The following ENOX1 variants were observed in gnomAD, a reference collection of about 807,000 sequenced individuals.
ENOX1 encodes candidate growth-related and time keeping constitutive hydroquinone (NADH) oxidase.
Under a neutral mutation model 82.5 loss-of-function variants are expected in ENOX1, and 42 were observed. The observed-to-expected ratio is 0.51, with a 90% CI of 0.40 to 0.66. The LOEUF is 0.66. Ranked by LOEUF, ENOX1 falls within the 30% of genes least tolerant of loss-of-function variation. ENOX1 has a pLI of 0.00. For synonymous variants in ENOX1, 271 were observed against 282.2 expected (o/e 0.96, Z 0.40); for missense variants, 608 against 811.6 (o/e 0.75, Z 3.05).
intron 3 of ENOX1, among the ~76,000 whole-genome samples, chr13:43,457,385 C>A (rs1210004572): frequency 6.6e-6 from 1 of 152,074 alleles, no homozygotes; most frequent in East Asian, 1.9e-4. Context: ...TAAATGTTAT[C>A]TTTATCCAGA....
intron 2 of ENOX1, among the ~76,000 whole-genome samples, chr13:43,554,913 C>T (rs1566516429): frequency 6.6e-6 from 1 of 152,158 alleles, no homozygotes; most frequent in South Asian, 2.1e-4. Context: ...GCCCAATATT[C>T]TCTTAAACTC....
chr13:43,747,578 A>C (rs1293719218), intron 1 of ENOX1, among the ~76,000 whole-genome samples: 1 of 152,190 alleles, frequency 6.6e-6, no homozygotes, highest in African/African-American at 2.4e-5. Flanking sequence ...ATAACCAACA[A>C]ACCATGCAGA....
chr13:43,513,034 C>A (rs930975113), intron 2 of ENOX1, among the ~76,000 whole-genome samples: 2 of 151,914 alleles, frequency 1.3e-5, no homozygotes, highest in African/African-American at 4.8e-5. Flanking sequence ...TGTGGCTGGG[C>A]GCAGTGGCTC....
rs188996341 is a variant in ENOX1, at chr13:43,529,565, A to T, written c.-218-45413T>A. On this transcript the variant is annotated intron_variant, in intron 2 of 16. Coordinates refer to ENST00000690772, the MANE Select transcript of ENOX1 (RefSeq NM_001347969.2). ...CTAGTTTTGCTGTCACATCTCTTCAAACTGCAAAAGTTATGGCCTCAGTGT... is the reference window on the plus strand; with the variant it reads ...CTAGTTTTGCTGTCACATCTCTTCATACTGCAAAAGTTATGGCCTCAGTGT... 7.6e-4 allele frequency among the ~76,000 whole-genome samples: 116 copies of T among 152,248 alleles called. 1 individual carries two copies. Among genetic ancestry groups the T allele is most frequent in the Non-Finnish European group, 1.4e-3 (92 of 67,992 alleles).
intron 5 of ENOX1, among the ~76,000 whole-genome samples, chr13:43,370,350 C>A (rs569694259): frequency 6.6e-6 from 1 of 151,962 alleles, no homozygotes; most frequent in South Asian, 2.1e-4. Context: ...CTGGGCAACA[C>A]AGCGAGACTC....
At chr13:43,537,690 G>A (rs2153692036) in intron 2 of ENOX1, among the ~76,000 whole-genome samples, 2 of 152,324 alleles carry the variant, frequency 1.3e-5, no homozygotes, top group South Asian at 4.1e-4. Flanking sequence ...ATCTTGTGAT[G>A]TGAGACACAC....
At chr13:43,587,072 G>GAA (rs10713584) in intron 2 of ENOX1, among the ~76,000 whole-genome samples, 17 of 133,168 alleles carry the variant, frequency 1.3e-4, no homozygotes, top group African/African-American at 4.7e-4. Flanking sequence ...GACTATCTCA[G>GAA]AAAAAAAAAA....
rs980175159 is a variant in ENOX1, at chr13:43,666,044, T to C, written c.-219+1435A>G. Among the ~76,000 whole-genome samples the C allele has an allele frequency of 7.2e-5, 11 of 151,892 alleles. No individual in the cohort carries two copies. The East Asian group carries it at 1.9e-3, about 27-fold the overall frequency. On this transcript the variant is annotated intron_variant, in intron 2 of 16. Coordinates refer to ENST00000690772, the MANE Select transcript of ENOX1 (RefSeq NM_001347969.2). The stretch of plus-strand genomic sequence containing the variant: ...GTATAAAGTTATGTTTACACTATAC[T>C]ATACTCTATTAATTGTGCAATAGCA...
intron 9 of ENOX1, among the ~76,000 whole-genome samples, chr13:43,343,875 C>CT (rs1174094238): frequency 7.9e-5 from 12 of 152,108 alleles, no homozygotes; most frequent in East Asian, 7.7e-4. Context: ...AATATACGCC[C>CT]TTTTTTTGAA....
intron 1 of ENOX1, among the ~76,000 whole-genome samples, chr13:43,709,202 TTACC>T (rs2087522327): frequency 1.3e-5 from 2 of 152,048 alleles, no homozygotes; most frequent in Non-Finnish European, 2.9e-5. Flanking sequence ...ACATCATTAG[TTACC>T]TGAGAAATGC....
intron 1 of ENOX1, among the ~76,000 whole-genome samples, chr13:43,725,665 A>G (rs1414106491): frequency 2.6e-5 from 4 of 152,098 alleles, no homozygotes; most frequent in African/African-American, 7.2e-5. Context: ...GACCAGCTAG[A>G]AGCCACTTAG....
chr13:43,611,195 A>G lies in ENOX1; in HGVS notation c.-219+56284T>C, dbSNP rs192623579. ...TCCCATTTATACCACTGATGTTCCA[A>G]TGCAAGGTGCCCGGGGAAACTGCCA... is the stretch of plus-strand genomic sequence containing the variant. On this transcript the variant is annotated intron_variant, in intron 2 of 16. Coordinates refer to ENST00000690772, the MANE Select transcript of ENOX1 (RefSeq NM_001347969.2). Among the ~76,000 whole-genome samples, 15 of 152,288 alleles carry G rather than the reference A, an allele frequency of 9.8e-5. No homozygotes were observed. The East Asian group carries it at 2.5e-3, about 25-fold the overall frequency.
intron 16 of ENOX1, among the ~76,000 whole-genome samples, chr13:43,222,223 C>T (rs576790620): frequency 6.6e-6 from 1 of 152,274 alleles, no homozygotes; most frequent in South Asian, 2.1e-4. Flanking sequence ...CATGTGAATT[C>T]TCTCTCCTCA....
chr13:43,524,388 CCA>C (rs1345906910), intron 2 of ENOX1, among the ~76,000 whole-genome samples: 1 of 152,126 alleles, frequency 6.6e-6, no homozygotes, highest in Non-Finnish European at 1.5e-5. Flanking sequence ...ACAGATTCCA[CCA>C]CTCACCAAGG....
At chr13:43,622,308 G>T (rs1475266234) in intron 2 of ENOX1, among the ~76,000 whole-genome samples, 2 of 152,130 alleles carry the variant, frequency 1.3e-5, no homozygotes, top group African/African-American at 2.4e-5. Context: ...TTTTTGGGGG[G>T]TGTCGAAGAG....
chr13:43,409,018 T>C (rs1183995797), intron 5 of ENOX1, among the ~76,000 whole-genome samples: 2 of 127,552 alleles, frequency 1.6e-5, no homozygotes, highest in African/African-American at 6.1e-5. Flanking sequence ...TTAAAATGTT[T>C]AACAAATGCC....
At chr13:43,622,625 C>T (rs1234761069) in intron 2 of ENOX1, among the ~76,000 whole-genome samples, 2 of 152,102 alleles carry the variant, frequency 1.3e-5, no homozygotes, top group Non-Finnish European at 2.9e-5. Flanking sequence ...AGCTGGGATA[C>T]CAGTGCCTGT....
chr13:43,461,390 A>T (rs1335488272), intron 3 of ENOX1, among the ~76,000 whole-genome samples: 2 of 152,236 alleles, frequency 1.3e-5, no homozygotes, highest in Non-Finnish European at 2.9e-5. Flanking sequence ...TTCATGATCT[A>T]TAAGCATCTC....
intron 12 of ENOX1, among the ~76,000 whole-genome samples, chr13:43,291,633 C>T (rs903793774): frequency 6.6e-5 from 10 of 152,120 alleles, no homozygotes; most frequent in Non-Finnish European, 1.2e-4. Flanking sequence ...CTCCATGCTT[C>T]CCACTGCACC....
Sources: gnomAD v4.1 joint callset for allele counts (sites outside exome capture counted in the v4.1 genomes callset) on GRCh38, gnomAD v4.1.1 for gene constraint, MANE v1.5 for transcripts, NCBI Gene and HGNC (gene_info 2026-07-23, HGNC 2026-07-21) for gene names.